The following CDR2 variants were observed in gnomAD, a reference collection of about 807,000 sequenced individuals.
The protein encoded by CDR2 is cerebellar degeneration-related protein 2.
CDR2 carries 34 observed loss-of-function variants against 48.4 expected under a neutral mutation model. The observed-to-expected ratio is 0.70, with a 90% CI of 0.53 to 0.94. The LOEUF is 0.94. CDR2 is among the 40% of genes least tolerant of loss of function. The probability of loss-of-function intolerance (pLI) is 0.00; values close to 1 mark genes in which losing one functional copy is unlikely to be tolerated. For missense variants in CDR2, 498 were observed against 549.5 expected (o/e 0.91, Z 0.94); for synonymous variants, 240 against 219.7 (o/e 1.09, Z -0.82).
At position 22,345,988 on chromosome 16, in the gene CDR2, C is replaced by T. The variant is rs2048901444; in HGVS notation, c.*977G>A. 6.6e-6 allele frequency: 1 copy of T among 152,578 alleles called. No homozygotes were observed. The highest frequency in any genetic ancestry group is 2.4e-5 in the African/African-American group (1 of 41,434). 9.5% of individuals were successfully genotyped at this position (152,578 alleles called of 1,614,324 possible). A position where few individuals can be genotyped will look rare whatever the true frequency, so the allele number is the denominator to read the frequency against. On this transcript the variant is annotated 3_prime_UTR_variant, in exon 5 of 5. Coordinates refer to ENST00000268383, the MANE Select transcript of CDR2 (RefSeq NM_001802.2). ...TTTTTAGAAAAATATATACAATAAT[C>T]GGAACATCAGTTCTTAAATAGTTTT...
Position 22,347,035 on chromosome 16 carries a change from C to T in CDR2, c.1295G>A (p.Cys432Tyr), listed in dbSNP as rs2048909954. 2 of 1,613,918 alleles carry T rather than the reference C, an allele frequency of 1.2e-6. No individual in the cohort carries two copies. The highest frequency in any genetic ancestry group is 1.7e-5 in the Admixed American group (1 of 60,000). Residue 432 changes from cysteine (C) to tyrosine (Y), a missense_variant, in exon 5 of 5, where the codon TGC (cysteine) becomes TAC (tyrosine). By Grantham distance (194) the Cys-to-Tyr change is radical (BLOSUM62 -2). Transcript: ENST00000268383. ...TATTTCCTGCTTAGTTTTCTTGATGCAACTAAAGATCTCCTTAAACAACGC... is the reference window on the plus strand; with the variant it reads ...TATTTCCTGCTTAGTTTTCTTGATGTAACTAAAGATCTCCTTAAACAACGC... ...YKALFKEIFS[C>Y]IKKTKQEIDE...
intron 2 of CDR2, among the ~76,000 whole-genome samples, chr16:22,351,173 C>A (rs1309994515): frequency 6.6e-6 from 1 of 152,180 alleles, no homozygotes; most frequent in East Asian, 1.9e-4. Context: ...TCATCCATGT[C>A]CCTGCAAAGG....
chr16:22,351,153 G>A (rs569085566), intron 2 of CDR2, among the ~76,000 whole-genome samples: 1 of 152,218 alleles, frequency 6.6e-6, no homozygotes, highest in South Asian at 2.1e-4. Flanking sequence ...GAGAATGATG[G>A]TTTCCGGCTT....
chr16:22,369,113 G>A (rs2049060397), intron 1 of CDR2: 1 of 151,972 alleles, frequency 6.6e-6, no homozygotes, highest in South Asian at 2.1e-4. Context: ...CACTGGGAAG[G>A]CTCAGATTCA....
chr16:22,372,089 C>T (rs969392186), intron 1 of CDR2, among the ~76,000 whole-genome samples: 3 of 152,082 alleles, frequency 2.0e-5, no homozygotes, highest in Non-Finnish European at 4.4e-5. Flanking sequence ...AGGCTGGTCT[C>T]GAATTCCTGG....
At chr16:22,371,981 C>G (rs2141856232) in intron 1 of CDR2, among the ~76,000 whole-genome samples, 1 of 152,234 alleles carries the variant, frequency 6.6e-6, no homozygotes, top group South Asian at 2.1e-4. Context: ...AGCAATTCTC[C>G]TGCCTCAGCC....
chr16:22,366,454 G>A (rs2049045147), intron 1 of CDR2, among the ~76,000 whole-genome samples: 1 of 152,174 alleles, frequency 6.6e-6, no homozygotes, highest in Non-Finnish European at 1.5e-5. Flanking sequence ...GTGGGAGGCT[G>A]AAATTTAAGA....
chr16:22,366,478 G>A (rs1383330304), intron 1 of CDR2, among the ~76,000 whole-genome samples: 23 of 152,164 alleles, frequency 1.5e-4, no homozygotes, highest in Non-Finnish European at 2.9e-5. Context: ...TGTGACCAGG[G>A]CCACATTAGA....
At chr16:22,356,312 T>C (rs116145784) in intron 2 of CDR2, among the ~76,000 whole-genome samples, 185 of 152,182 alleles carry the variant, frequency 1.2e-3, no homozygotes, top group African/African-American at 4.1e-3. Context: ...CATAACCTCT[T>C]CAGAAGCCTT....
chr16:22,366,066 T>C (rs1364730631), intron 1 of CDR2, among the ~76,000 whole-genome samples: 5 of 152,216 alleles, frequency 3.3e-5, no homozygotes, highest in East Asian at 1.9e-4. Flanking sequence ...CAAAGTACTA[T>C]TAATAGTCAT....
At chr16:22,367,096 T>A (rs1195043177) in intron 1 of CDR2, 1 of 152,462 alleles carries the variant, frequency 6.6e-6, no homozygotes, top group Non-Finnish European at 1.5e-5. Flanking sequence ...CACTCATGGC[T>A]GACTGTAGCC....
intron 1 of CDR2, 38 bp downstream of exon 1, chr16:22,374,193 C>G (rs771540448): frequency 1.4e-6 from 2 of 1,439,694 alleles, no homozygotes; most frequent in Admixed American, 1.9e-5. Flanking sequence ...CCTCCCGGGC[C>G]AGGCCGCCGC....
chr16:22,358,498 C>G (rs185031209), intron 2 of CDR2, among the ~76,000 whole-genome samples: 25 of 152,210 alleles, frequency 1.6e-4, no homozygotes, highest in Middle Eastern at 3.4e-3. Flanking sequence ...AAAACAAAGG[C>G]CAGCAGAATT....
intron 2 of CDR2, among the ~76,000 whole-genome samples, chr16:22,362,855 G>T (rs1474391471): frequency 6.6e-6 from 1 of 152,072 alleles, no homozygotes; most frequent in East Asian, 1.9e-4. Flanking sequence ...CCAAAGTGCT[G>T]GGATTATAGG....
chr16:22,365,734 T>C (rs2049041007), intron 1 of CDR2, among the ~76,000 whole-genome samples: 1 of 152,236 alleles, frequency 6.6e-6, no homozygotes, highest in African/African-American at 2.4e-5. Flanking sequence ...GTTTATATTA[T>C]ACTCAACTCC....
chr16:22,372,383 G>A (rs1237764674), intron 1 of CDR2, among the ~76,000 whole-genome samples: 3 of 152,154 alleles, frequency 2.0e-5, no homozygotes, highest in Non-Finnish European at 4.4e-5. Flanking sequence ...AATTCTGTGC[G>A]AGTGCTTCAG....
intron 2 of CDR2, among the ~76,000 whole-genome samples, chr16:22,355,697 C>T (rs966768675): frequency 6.6e-6 from 1 of 152,188 alleles, no homozygotes; most frequent in Non-Finnish European, 1.5e-5. Flanking sequence ...AGCCCCCAAA[C>T]ATGCCAGTTT....
At chr16:22,359,611 C>T (rs1429717339) in intron 2 of CDR2, among the ~76,000 whole-genome samples, 1 of 152,146 alleles carries the variant, frequency 6.6e-6, no homozygotes, top group Non-Finnish European at 1.5e-5. Context: ...GCAGTGTAAG[C>T]ATTATCACCA....
intron 1 of CDR2, among the ~76,000 whole-genome samples, chr16:22,372,550 A>C (rs1397600861): frequency 1.3e-5 from 2 of 152,212 alleles, no homozygotes; most frequent in Non-Finnish European, 2.9e-5. Context: ...TGATGATACA[A>C]ATTAAATTAT....
Sources: gnomAD v4.1 joint callset for allele counts (sites outside exome capture counted in the v4.1 genomes callset) on GRCh38, gnomAD v4.1.1 for gene constraint, MANE v1.5 for transcripts, NCBI Gene and HGNC (gene_info 2026-07-23, HGNC 2026-07-21) for gene names.